Variants in BABAM2 observed in about 807,000 individuals in gnomAD.
BABAM2 encodes BRISC and BRCA1-A complex member 2.
BABAM2 carries 31 observed loss-of-function variants against 54.7 expected under a neutral mutation model. The observed-to-expected ratio is 0.57, with a 90% confidence interval of 0.43 to 0.77. The LOEUF (loss-of-function observed/expected upper bound fraction) is 0.77, where lower values mean the gene tolerates loss of function less well. Ranked by LOEUF, BABAM2 falls within the 30% of genes least tolerant of loss-of-function variation. The probability of loss-of-function intolerance (pLI) is 0.00; values close to 1 mark genes in which losing one functional copy is unlikely to be tolerated. For missense variants in BABAM2, 364 were observed against 455.8 expected (o/e 0.80, Z 1.83); for synonymous variants, 167 against 162.9 (o/e 1.03, Z -0.19).
chr2:27,992,161 A>G (rs963150283), intron 4 of BABAM2, among the ~76,000 whole-genome samples: 3 of 152,108 alleles, frequency 2.0e-5, no homozygotes, highest in Non-Finnish European at 2.9e-5. Context: ...TCATGTGCCT[A>G]TTGGCTATTT....
At chr2:28,228,779 G>A (rs1681115017) in intron 7 of BABAM2, among the ~76,000 whole-genome samples, 1 of 152,004 alleles carries the variant, frequency 6.6e-6, no homozygotes, top group South Asian at 2.1e-4. Flanking sequence ...TGTTTTGGGG[G>A]GCTTACTTAA....
intron 3 of BABAM2, among the ~76,000 whole-genome samples, chr2:27,971,909 G>T (rs1016007829): frequency 6.6e-6 from 1 of 152,048 alleles, no homozygotes; most frequent in African/African-American, 2.4e-5. Context: ...TGCATTAGAA[G>T]ATCACTAAGA....
intron 7 of BABAM2, among the ~76,000 whole-genome samples, chr2:28,235,793 T>C (rs1681852614): frequency 6.6e-6 from 1 of 152,104 alleles, no homozygotes; most frequent in Non-Finnish European, 1.5e-5. Flanking sequence ...TAGCTAAGGC[T>C]ACAGGTGTGC....
chr2:28,191,766 T>C (rs1451229199), intron 7 of BABAM2, among the ~76,000 whole-genome samples: 2 of 152,000 alleles, frequency 1.3e-5, no homozygotes, highest in Non-Finnish European at 2.9e-5. Flanking sequence ...AGCAGTGTAG[T>C]TGTGGAAGGG....
Position 28,237,275 on chromosome 2 carries a change from C to G in BABAM2, c.754C>G (p.Gln252Glu). The G allele has an allele frequency of 1.2e-6, 2 of 1,613,792 alleles. No homozygotes were observed. The highest frequency in any genetic ancestry group is 1.7e-6 in the Non-Finnish European group (2 of 1,179,792). The part of the protein sequence containing the change: ...GGGCLIDYVP[Q>E]VCHLLTNKVQ... The stretch of plus-strand genomic sequence containing the variant: ...AGGATGTCTCATTGATTACGTTCCT[C>G]AAGTATGCCACCTGCTCACCAACAA... Residue 252 changes from glutamine to glutamate, a missense_variant, in exon 8 of 12, where the codon CAA becomes GAA. Transcript: ENST00000379624.
Position 28,304,761 on chromosome 2 carries a change from T to C in BABAM2, c.1088+6270T>C, listed in dbSNP as rs894880571. Among the ~76,000 whole-genome samples the C allele has an allele frequency of 1.3e-5, 2 of 152,028 alleles. No homozygotes were observed. The highest frequency in any genetic ancestry group is 6.6e-5 in the Admixed American group (1 of 15,264). ...AGGCTAATTTTTTGTATTTTTTTTTTAGTAGAGACGGAGTTTTACCATGTT... is the reference window on the plus strand; with the variant it reads ...AGGCTAATTTTTTGTATTTTTTTTTCAGTAGAGACGGAGTTTTACCATGTT... On this transcript the variant is annotated intron_variant, in intron 11 of 11. Coordinates refer to ENST00000379624, the MANE Select transcript of BABAM2 (RefSeq NM_199191.3). This position sits in a 1 kb window ranked among gnomAD's most constrained non-coding sequence, Gnocchi z 4.0.
chr2:28,054,927 A>G (rs1448482379), intron 6 of BABAM2, among the ~76,000 whole-genome samples: 1 of 152,218 alleles, frequency 6.6e-6, no homozygotes, highest in Non-Finnish European at 1.5e-5. Flanking sequence ...TTTTGATTTC[A>G]TTAAGTCATT....
intron 10 of BABAM2, among the ~76,000 whole-genome samples, chr2:28,282,374 T>G (rs1686434171): frequency 6.6e-6 from 1 of 152,194 alleles, no homozygotes; most frequent in African/African-American, 2.4e-5. Context: ...TTTTGTGCTT[T>G]CTTGATCAAC....
chr2:27,999,868 A>T (rs868279569), intron 4 of BABAM2, among the ~76,000 whole-genome samples: 6 of 152,142 alleles, frequency 3.9e-5, no homozygotes, highest in African/African-American at 1.4e-4. Context: ...TAAATTAATT[A>T]TTTCATATTC....
chr2:28,056,112 G>A (rs1678387919), intron 6 of BABAM2, among the ~76,000 whole-genome samples: 1 of 152,044 alleles, frequency 6.6e-6, no homozygotes, highest in Non-Finnish European at 1.5e-5. Context: ...GTGAATGGGG[G>A]GATGTAGGAT....
chr2:28,105,630 T>C (rs1267106711), intron 6 of BABAM2, among the ~76,000 whole-genome samples: 8 of 152,184 alleles, frequency 5.3e-5, no homozygotes, highest in Admixed American at 5.2e-4. Context: ...TCTTCAAGCG[T>C]TGTTGGCGAT....
At chr2:27,960,488 A>C (rs1008649241) in intron 3 of BABAM2, among the ~76,000 whole-genome samples, 1 of 151,580 alleles carries the variant, frequency 6.6e-6, no homozygotes, top group Admixed American at 6.6e-5. Context: ...TTCTGTGGTT[A>C]TTTCTACTGA....
At chr2:28,105,065 G>C (rs1366474252) in intron 6 of BABAM2, among the ~76,000 whole-genome samples, 1 of 152,008 alleles carries the variant, frequency 6.6e-6, no homozygotes, top group Non-Finnish European at 1.5e-5. Flanking sequence ...GGGAGGGATA[G>C]CATTAGGGGA....
chr2:28,135,917 A>G (rs964531924), intron 7 of BABAM2, among the ~76,000 whole-genome samples: 1 of 152,130 alleles, frequency 6.6e-6, no homozygotes, highest in African/African-American at 2.4e-5. Flanking sequence ...TGGAACTGTC[A>G]CTGTCCTTTG....
At position 27,890,934 on chromosome 2, in the gene BABAM2, C is replaced by T. The variant is rs923542124; in HGVS notation, c.-25+92C>T. 5 of 152,604 alleles carry T rather than the reference C, an allele frequency of 3.3e-5. No homozygotes were observed. Among genetic ancestry groups the T allele is most frequent in the African/African-American group, 1.2e-4 (5 of 41,438 alleles). The allele number at this position is 152,604 out of a possible 1,614,324, so 9.5% of individuals were successfully genotyped here. Reference sequence around the variant, plus strand: ...GGTTTAAATATGGCCAGGGGACTCGCCTCCTCTTCCTATGGAGAAGGCCCC... The same window carrying T: ...GGTTTAAATATGGCCAGGGGACTCGTCTCCTCTTCCTATGGAGAAGGCCCC... On this transcript the variant is annotated intron_variant, in intron 1 of 11. Transcript: ENST00000379624. The surrounding 1 kb of genome is among the most constrained non-coding windows in gnomAD (Gnocchi z 4.8).
chr2:28,072,937 C>T (rs1017164472), intron 6 of BABAM2, among the ~76,000 whole-genome samples: 2 of 152,194 alleles, frequency 1.3e-5, no homozygotes, highest in African/African-American at 4.8e-5. Context: ...TCTCCTGTTT[C>T]CCAAACTGGA....
At chr2:28,110,755 C>T (rs920240303) in intron 6 of BABAM2, among the ~76,000 whole-genome samples, 1 of 152,000 alleles carries the variant, frequency 6.6e-6, no homozygotes, top group African/African-American at 2.4e-5. Context: ...ATGGTGATTC[C>T]GTTTTTAACT....
chr2:27,920,777 A>G (rs1045320767), intron 2 of BABAM2, among the ~76,000 whole-genome samples: 3 of 152,302 alleles, frequency 2.0e-5, no homozygotes, highest in South Asian at 4.1e-4. Flanking sequence ...GGACTCATCT[A>G]CTTTGTTCTT....
chr2:27,902,117 A>T (rs1374248111), intron 2 of BABAM2, among the ~76,000 whole-genome samples: 1 of 152,164 alleles, frequency 6.6e-6, no homozygotes, highest in East Asian at 1.9e-4. Context: ...TTTTTTGACA[A>T]AGAATGCCAC....
Sources: allele counts gnomAD v4.1 joint callset (sites outside exome capture counted in the v4.1 genomes callset), GRCh38; gene constraint gnomAD v4.1.1; non-coding constraint Gnocchi (gnomAD v3.1); transcripts MANE v1.5; gene names NCBI Gene and HGNC (gene_info 2026-07-23, HGNC 2026-07-21).